Variants in ZFYVE1 observed in about 807,000 individuals in gnomAD.
ZFYVE1 encodes zinc finger FYVE-type containing 1.
A neutral mutation model predicts 74.4 loss-of-function variants in ZFYVE1; 30 were observed. That is an observed-to-expected ratio of 0.40 (90% CI 0.30 to 0.55). The LOEUF (loss-of-function observed/expected upper bound fraction) is 0.55, where lower values mean the gene tolerates loss of function less well. ZFYVE1 is among the 20% of genes least tolerant of loss of function. The probability of loss-of-function intolerance (pLI) is 0.42; values close to 1 mark genes in which losing one functional copy is unlikely to be tolerated. For synonymous variants in ZFYVE1, 335 were observed against 385.1 expected (o/e 0.87, Z 1.52); for missense variants, 703 against 1,011.6 (o/e 0.69, Z 4.14).
chr14:73,018,306 C>T (rs1184470349), intron 2 of ZFYVE1, among the ~76,000 whole-genome samples: 2 of 151,912 alleles, frequency 1.3e-5, no homozygotes, highest in Non-Finnish European at 2.9e-5. Flanking sequence ...TGATGGGTGC[C>T]TGTAATCCCA....
At chr14:72,971,854 T>C (rs927542686) in intron 11 of ZFYVE1, among the ~76,000 whole-genome samples, 3 of 152,144 alleles carry the variant, frequency 2.0e-5, no homozygotes, top group Admixed American at 1.3e-4. Flanking sequence ...TATAAAGAAG[T>C]CTGGGCTCTG....
At chr14:73,010,600 C>CA (rs34902764) in intron 2 of ZFYVE1, among the ~76,000 whole-genome samples, 332 of 140,456 alleles carry the variant, frequency 2.4e-3, no homozygotes, top group Middle Eastern at 0.011. Flanking sequence ...AACTCCGTCT[C>CA]AAAAAAAAAA....
intron 4 of ZFYVE1, among the ~76,000 whole-genome samples, 200 bp downstream of exon 4, chr14:72,992,943 A>G (rs1893655454): frequency 6.6e-6 from 1 of 152,058 alleles, no homozygotes; most frequent in Non-Finnish European, 1.5e-5. Flanking sequence ...TTTTACTATC[A>G]CATATGACTT....
intron 2 of ZFYVE1, among the ~76,000 whole-genome samples, chr14:73,008,894 C>A (rs1008252379): frequency 1.3e-5 from 2 of 152,118 alleles, no homozygotes; most frequent in African/African-American, 2.4e-5. Flanking sequence ...AGGTTTAAAT[C>A]ATACCCTGGG....
Position 72,969,494 on chromosome 14 carries a change from T to G in ZFYVE1, c.*1388A>C. 1.7e-6 allele frequency: 1 copy of G among 572,376 alleles called. No individual in the cohort carries two copies. The highest frequency in any genetic ancestry group is 3.1e-6 in the Non-Finnish European group (1 of 323,530). 35.5% of individuals were successfully genotyped at this position (572,376 alleles called of 1,614,324 possible). ...TGATGGCGAATTGGATGGTACACAGTTCTAGAGTAGGGTCCCAGTCACTGG... is the reference window on the plus strand; with the variant it reads ...TGATGGCGAATTGGATGGTACACAGGTCTAGAGTAGGGTCCCAGTCACTGG... On this transcript the variant is annotated 3_prime_UTR_variant, in exon 12 of 12. Transcript: ENST00000556143.
At chr14:73,023,077 C>G (rs534159732) in intron 2 of ZFYVE1, among the ~76,000 whole-genome samples, 3 of 149,944 alleles carry the variant, frequency 2.0e-5, no homozygotes, top group African/African-American at 7.4e-5. Flanking sequence ...AGGAAAATCG[C>G]TTGAATCCAG....
intron 1 of ZFYVE1, 31 bp downstream of exon 1, chr14:73,026,890 CGCCCT>C (rs1356806160): frequency 2.5e-6 from 1 of 396,220 alleles, no homozygotes; most frequent in Non-Finnish European, 4.5e-6. Context: ...GTGCCCTCCC[CGCCCT>C]GCCCTGCCCG....
intron 4 of ZFYVE1, among the ~76,000 whole-genome samples, chr14:72,990,123 A>T (rs1250800704): frequency 6.6e-6 from 1 of 152,230 alleles, no homozygotes; most frequent in Non-Finnish European, 1.5e-5. Flanking sequence ...ATAACCAGAG[A>T]ATTAAGCATT....
chr14:72,979,131 C>A, intron 5 of ZFYVE1, 162 bp from the exon 6 acceptor site: 1 of 628,968 alleles, frequency 1.6e-6, no homozygotes, highest in Admixed American at 2.4e-5. Context: ...AACCCACATG[C>A]CTCTTTGTTA....
At chr14:73,023,250 A>T (rs11159003) in intron 2 of ZFYVE1, among the ~76,000 whole-genome samples, 21 of 93,614 alleles carry the variant, frequency 2.2e-4, no homozygotes, top group African/African-American at 7.2e-4. Context: ...TAATATATAT[A>T]TTATATGTTT....
chr14:72,999,686 C>G (rs1309268560), intron 2 of ZFYVE1, among the ~76,000 whole-genome samples: 1 of 152,186 alleles, frequency 6.6e-6, no homozygotes, highest in Non-Finnish European at 1.5e-5. Flanking sequence ...CTCAGACACT[C>G]AACAAGGCTG....
At chr14:73,010,595 C>G (rs549436378) in intron 2 of ZFYVE1, among the ~76,000 whole-genome samples, 85 of 146,868 alleles carry the variant, frequency 5.8e-4, no homozygotes, top group African/African-American at 2.0e-3. Context: ...AGTGAAACTC[C>G]GTCTCAAAAA....
intron 2 of ZFYVE1, among the ~76,000 whole-genome samples, chr14:73,000,622 AGAC>A (rs1893849194): frequency 6.6e-6 from 1 of 151,922 alleles, no homozygotes. Flanking sequence ...AAAAAAAAAA[AGAC>A]AACAAGCATT....
At chr14:72,983,772 G>A (rs984655485) in intron 4 of ZFYVE1, among the ~76,000 whole-genome samples, 4 of 152,148 alleles carry the variant, frequency 2.6e-5, no homozygotes, top group African/African-American at 7.2e-5. Context: ...TTGAGGAATC[G>A]CCACGCTGGT....
intron 2 of ZFYVE1, among the ~76,000 whole-genome samples, chr14:73,019,243 A>T (rs1357151370): frequency 6.6e-6 from 1 of 152,206 alleles, no homozygotes. Context: ...ATAGAATTTG[A>T]GGAGACCACA....
intron 4 of ZFYVE1, among the ~76,000 whole-genome samples, chr14:72,992,628 CTTG>C (rs1277303857): frequency 3.6e-4 from 43 of 121,090 alleles, no homozygotes; most frequent in East Asian, 8.6e-4. Context: ...CCCCCCGCCC[CTTG>C]CAAGAGAGAG....
chr14:73,020,846 G>A (rs867291967), intron 2 of ZFYVE1, among the ~76,000 whole-genome samples: 5 of 152,094 alleles, frequency 3.3e-5, no homozygotes, highest in Admixed American at 1.3e-4. Context: ...GTGGTGGCAG[G>A]TGCCTGTAAT....
chr14:72,974,789 G>A lies in ZFYVE1; in HGVS notation c.1977C>T (p.Asn659=), dbSNP rs759101141. The change falls in exon 10 of 12, where the codon AAC becomes AAT. Residue 659 remains asparagine (N), a synonymous_variant. Coordinates refer to ENST00000556143, the MANE Select transcript of ZFYVE1 (RefSeq NM_021260.4). ...RVCDNCYEAR[N]VQLAVTEAQV... is the part of the protein sequence containing the mutation. ...CAGGTCCCACGTTACCTAACTGGACGTTCCTGGCTTCGTAGCAGTTGTCAC... is the reference window on the plus strand; with the variant it reads ...CAGGTCCCACGTTACCTAACTGGACATTCCTGGCTTCGTAGCAGTTGTCAC... The A allele has an allele frequency of 4.1e-5, 66 of 1,598,382 alleles. No homozygotes were observed. Among genetic ancestry groups the A allele is most frequent in the African/African-American group, 1.3e-4 (10 of 74,580 alleles).
In ZFYVE1 at chr14:72,975,981, C is replaced by T. The variant is rs61986490; in HGVS notation, c.1636-260G>A. The T allele has an allele frequency of 0.063, 24,227 of 383,354 alleles. 884 individuals are homozygous for T. The highest frequency in any genetic ancestry group is 0.082 in the Non-Finnish European group (17,439 of 213,826). 23.7% of individuals were successfully genotyped at this position (383,354 alleles called of 1,614,324 possible). A position where few individuals can be genotyped will look rare whatever the true frequency, so the allele number is the denominator to read the frequency against. On this transcript the variant is annotated intron_variant, in intron 8 of 11. Coordinates refer to ENST00000556143, the MANE Select transcript of ZFYVE1 (RefSeq NM_021260.4). The surrounding 1 kb of genome is among the most constrained non-coding windows in gnomAD (Gnocchi z 4.1). Reference sequence around the variant, plus strand: ...AGATGACACCTCCTCCAGGGGGCCCCGCACCGCAGGCTGAGTTAAGAACCT... The same window carrying T: ...AGATGACACCTCCTCCAGGGGGCCCTGCACCGCAGGCTGAGTTAAGAACCT...
Sources: gnomAD v4.1 joint callset for allele counts (sites outside exome capture counted in the v4.1 genomes callset) on GRCh38, gnomAD v4.1.1 for gene constraint, Gnocchi (gnomAD v3.1) non-coding constraint, MANE v1.5 for transcripts, NCBI Gene and HGNC (gene_info 2026-07-23, HGNC 2026-07-21) for gene names.